The following PTPA variants were observed in gnomAD, a reference collection of about 807,000 sequenced individuals.
The protein encoded by PTPA is serine/threonine-protein phosphatase 2A activator.
PTPA carries 13 observed loss-of-function variants against 43.6 expected under a neutral mutation model. The ratio of observed to expected loss-of-function variants is 0.30; its 90% CI spans 0.19 to 0.47. The LOEUF is 0.47. PTPA is among the 20% of genes least tolerant of loss of function. PTPA has a pLI of 0.99. For synonymous variants in PTPA, 172 were observed against 158.2 expected, an observed-to-expected ratio of 1.09 and a Z score of -0.66; for missense variants, 329 against 411.9, an observed-to-expected ratio of 0.80 and a Z score of 1.74.
intron 1 of PTPA, among the ~76,000 whole-genome samples, chr9:129,113,124 C>T (rs906950968): frequency 6.6e-6 from 1 of 151,696 alleles, no homozygotes; most frequent in African/African-American, 2.4e-5. Flanking sequence ...GACAGTGTCT[C>T]ACTCTGTCCC....
Position 129,142,685 on chromosome 9 carries a change from G to A in PTPA, c.894+133G>A, listed in dbSNP as rs542305341. The A allele has an allele frequency of 5.8e-6, 9 of 1,546,872 alleles. No individual in the cohort carries two copies. The South Asian group carries it at 9.5e-5, about 16-fold the overall frequency. ...CTGTTTTGCTCTGAATCTTAGGCCAGCCCCTCTGACACTTGGGGCCTCGGA... is the reference window on the plus strand; with the variant it reads ...CTGTTTTGCTCTGAATCTTAGGCCAACCCCTCTGACACTTGGGGCCTCGGA... On this transcript the variant is annotated intron_variant, in intron 9 of 9. Transcript: ENST00000393370.
At chr9:129,146,583 C>T (rs1356400977) in intron 9 of PTPA, among the ~76,000 whole-genome samples, 1 of 152,236 alleles carries the variant, frequency 6.6e-6, no homozygotes, top group Admixed American at 6.5e-5. Flanking sequence ...CCTGGTCAGT[C>T]TTGGCAGATC....
intron 9 of PTPA, among the ~76,000 whole-genome samples, chr9:129,144,893 T>C (rs1362599566): frequency 1.3e-5 from 2 of 151,338 alleles, no homozygotes; most frequent in Non-Finnish European, 2.9e-5. Context: ...ATTAGCTGGG[T>C]GTGGTGGCTC....
intron 5 of PTPA, 22 bp from the exon 6 acceptor site, chr9:129,134,773 G>A (rs182859833): frequency 1.3e-6 from 2 of 1,585,994 alleles, no homozygotes; most frequent in South Asian, 1.1e-5. Context: ...TACTGTCAAC[G>A]CTGGTTGTTT....
intron 3 of PTPA, among the ~76,000 whole-genome samples, chr9:129,126,148 CAA>C (rs1489727453): frequency 6.7e-6 from 1 of 149,390 alleles, no homozygotes; most frequent in Non-Finnish European, 1.5e-5. Flanking sequence ...GACTTCGTCT[CAA>C]AAAGAAAAAA....
In PTPA at chr9:129,128,053, C is replaced by T. The variant is rs1166339887; in HGVS notation, c.217-932C>T. The T allele has an allele frequency of 2.2e-6, 3 of 1,338,716 alleles. No homozygotes were observed. In the South Asian group the frequency reaches 3.6e-5, roughly 16 times the overall value. 82.9% of individuals were successfully genotyped at this position (1,338,716 alleles called of 1,614,324 possible). ...GCATACCATTACCCCGCGCCGGGCA[C>T]TGTGCACCTTCGGAGGTATTTATCA... On this transcript the variant is annotated intron_variant, in intron 3 of 9. Transcript: ENST00000393370.
At chr9:129,142,917 G>A in intron 9 of PTPA, 5 of 1,468,450 alleles carry the variant, frequency 3.4e-6, no homozygotes, top group Non-Finnish European at 4.5e-6. Flanking sequence ...CTCTCCCATG[G>A]CATACCTGGG....
chr9:129,115,305 C>T (rs1362595260), intron 1 of PTPA, among the ~76,000 whole-genome samples: 1 of 152,172 alleles, frequency 6.6e-6, no homozygotes, highest in Non-Finnish European at 1.5e-5. Context: ...GGGAACAGAG[C>T]TTGCAGGACA....
At chr9:129,111,687 G>T in intron 1 of PTPA, 56 bp downstream of exon 1, 1 of 1,259,790 alleles carries the variant, frequency 7.9e-7, no homozygotes. Flanking sequence ...GGCGGTGCCA[G>T]GTGTGGGAGG....
chr9:129,119,946 T>C (rs1427204242), intron 1 of PTPA, among the ~76,000 whole-genome samples: 1 of 151,998 alleles, frequency 6.6e-6, no homozygotes, highest in Non-Finnish European at 1.5e-5. Context: ...AAGGCTCAGG[T>C]GTTGGAGTCC....
intron 9 of PTPA, among the ~76,000 whole-genome samples, chr9:129,144,368 C>T (rs1297256321): frequency 2.0e-5 from 3 of 151,994 alleles, no homozygotes; most frequent in Admixed American, 6.6e-5. Context: ...AGATTCTAGC[C>T]CTAGTTGAGG....
At chr9:129,113,528 G>A (rs907003237) in intron 1 of PTPA, among the ~76,000 whole-genome samples, 2 of 151,912 alleles carry the variant, frequency 1.3e-5, no homozygotes, top group African/African-American at 4.8e-5. Flanking sequence ...CAGCACTTTG[G>A]GAGGCCGACA....
chr9:129,123,024 C>T (rs1322357439), intron 2 of PTPA, 28 bp from the exon 3 acceptor site: 6 of 1,563,090 alleles, frequency 3.8e-6, no homozygotes, highest in Non-Finnish European at 5.3e-6. Context: ...CCCCTCTCCC[C>T]ATCCCCATTC....
At chr9:129,142,133 C>A (rs1850900878) in intron 8 of PTPA, 1 of 298,122 alleles carries the variant, frequency 3.4e-6, no homozygotes, top group East Asian at 5.7e-5. Context: ...CGATAGGAAT[C>A]AGGCCCCCTT....
At chr9:129,142,718 A>G (rs1158694395) in intron 9 of PTPA, 166 bp downstream of exon 9, 4 of 1,539,322 alleles carry the variant, frequency 2.6e-6, no homozygotes, top group Non-Finnish European at 3.5e-6. Context: ...GGAATCTCCC[A>G]TCTGGGGCAT....
At chr9:129,127,925 A>G (rs1196649133) in intron 3 of PTPA, 1 of 1,227,422 alleles carries the variant, frequency 8.1e-7, no homozygotes, top group Non-Finnish European at 1.1e-6. Flanking sequence ...AATGTTATTC[A>G]CTTAGTAAAA....
At chr9:129,142,617 G>C (rs1850962820) in intron 9 of PTPA, 65 bp downstream of exon 9, 1 of 1,599,856 alleles carries the variant, frequency 6.3e-7, no homozygotes, top group Non-Finnish European at 8.5e-7. Flanking sequence ...TGGGGACAAA[G>C]CAAAAGATGT....
intron 3 of PTPA, chr9:129,128,018 T>C: frequency 7.4e-7 from 1 of 1,347,734 alleles, no homozygotes; most frequent in Non-Finnish European, 9.9e-7. Context: ...GAGTGTGTCC[T>C]GCGATGAATG....
chr9:129,147,105 C>G (rs1049629952), intron 9 of PTPA, among the ~76,000 whole-genome samples: 2 of 152,182 alleles, frequency 1.3e-5, no homozygotes, highest in Non-Finnish European at 2.9e-5. Context: ...TCCCAACTTC[C>G]CTCTCTGGGC....
Sources: gnomAD v4.1 joint callset for allele counts (sites outside exome capture counted in the v4.1 genomes callset) on GRCh38, gnomAD v4.1.1 for gene constraint, MANE v1.5 for transcripts, NCBI Gene and HGNC (gene_info 2026-07-23, HGNC 2026-07-21) for gene names.